Variants in FDFT1 observed in about 807,000 individuals in gnomAD.
FDFT1 encodes the protein squalene synthase.
Under a neutral mutation model 46.8 loss-of-function variants are expected in FDFT1, and 68 were observed. The ratio of observed to expected loss-of-function variants is 1.45; its 90% CI spans 1.19 to 1.78. The LOEUF (loss-of-function observed/expected upper bound fraction) is 1.78, where lower values mean the gene tolerates loss of function less well. Among genes scored for constraint, FDFT1 ranks in the 40% most tolerant of loss-of-function variants. The pLI, the probability that FDFT1 is intolerant of heterozygous loss-of-function variation, is 0.00. For synonymous variants in FDFT1, 351 were observed against 185.1 expected (o/e 1.90, Z -7.28); for missense variants, 928 against 524.4 (o/e 1.77, Z -7.52).
chr8:11,830,426 G>A lies in FDFT1; in HGVS notation c.879+6G>A, dbSNP rs1481755393. Reference sequence around the variant, plus strand: ...ACTTCTGTGCTATTCCACAGGTAGGGAAGGGGGCTCCTCTGGGTGGATACG... The same window carrying A: ...ACTTCTGTGCTATTCCACAGGTAGGAAAGGGGGCTCCTCTGGGTGGATACG... On this transcript the variant is annotated splice_donor_region_variant and intron_variant, in intron 6 of 7. Coordinates refer to ENST00000220584, the MANE Select transcript of FDFT1 (RefSeq NM_004462.5). The A allele has an allele frequency of 1.9e-6, 3 of 1,609,320 alleles. No individual in the cohort carries two copies. Among genetic ancestry groups the A allele is most frequent in the South Asian group, 1.1e-5 (1 of 90,946 alleles).
chr8:11,830,114 G>GGGATTACA (rs1810566826), intron 5 of FDFT1, 130 bp from the exon 6 acceptor site: 1 of 749,034 alleles, frequency 1.3e-6, no homozygotes, highest in Non-Finnish European at 2.3e-6. Flanking sequence ...CCAAAGTGCT[G>GGGATTACA]GGATTACAGG....
chr8:11,797,956 A>G (rs1172721901), upstream of FDFT1: 1 of 152,284 alleles, frequency 6.6e-6, no homozygotes, highest in Non-Finnish European at 1.5e-5. Flanking sequence ...TGTAGATGCC[A>G]AATGGCAAGG....
chr8:11,826,954 A>C (rs2645424), intron 5 of FDFT1, among the ~76,000 whole-genome samples: 1 of 152,132 alleles, frequency 6.6e-6, no homozygotes, highest in African/African-American at 2.4e-5. Context: ...AGAATTCTGC[A>C]GCAGGAAGGG....
At chr8:11,799,829 C>T (rs150037866), upstream of FDFT1, among the ~76,000 whole-genome samples, 3 of 151,660 alleles carry the variant, frequency 2.0e-5, no homozygotes, top group African/African-American at 4.8e-5. Context: ...GCCTGTAGTT[C>T]CAGCTACTCG....
intron 4 of FDFT1, among the ~76,000 whole-genome samples, chr8:11,825,727 G>T (rs574150265): frequency 2.6e-4 from 39 of 151,652 alleles, no homozygotes; most frequent in Admixed American, 5.3e-4. Flanking sequence ...ATGTTTACTA[G>T]TTTTTTTCAG....
intron 1 of FDFT1, among the ~76,000 whole-genome samples, chr8:11,796,659 T>A (rs1805593862): frequency 6.6e-6 from 1 of 152,158 alleles, no homozygotes; most frequent in Admixed American, 6.5e-5. Flanking sequence ...GAGGTAGGTG[T>A]CTTCAGTGAT....
At chr8:11,824,805 G>C (rs1479783944) in intron 4 of FDFT1, among the ~76,000 whole-genome samples, 1 of 151,948 alleles carries the variant, frequency 6.6e-6, no homozygotes, top group African/African-American at 2.4e-5. Context: ...GCGCGATCTC[G>C]GCTCCCTGCA....
intron 7 of FDFT1, among the ~76,000 whole-genome samples, chr8:11,833,488 A>T (rs1428255015): frequency 6.6e-6 from 1 of 152,224 alleles, no homozygotes; most frequent in Non-Finnish European, 1.5e-5. Context: ...CAGTTTGATC[A>T]CTAGTTTTAG....
chr8:11,828,979 T>G (rs931052667), intron 5 of FDFT1, among the ~76,000 whole-genome samples: 1 of 152,142 alleles, frequency 6.6e-6, no homozygotes, highest in Admixed American at 6.5e-5. Context: ...GCATATAAGT[T>G]TTTGTGTAGA....
At chr8:11,822,248 C>T (rs529312462) in intron 4 of FDFT1, among the ~76,000 whole-genome samples, 2 of 152,142 alleles carry the variant, frequency 1.3e-5, no homozygotes, top group Admixed American at 6.5e-5. Flanking sequence ...GAAGTAAAGA[C>T]ATTTTATTTA....
At chr8:11,812,342 G>C (rs1012674011) in intron 3 of FDFT1, among the ~76,000 whole-genome samples, 1 of 152,060 alleles carries the variant, frequency 6.6e-6, no homozygotes, top group Non-Finnish European at 1.5e-5. Context: ...CTGTGCCCTT[G>C]GGCCTGAGTG....
At chr8:11,801,479 C>G (rs578084369), upstream of FDFT1, among the ~76,000 whole-genome samples, 1 of 152,078 alleles carries the variant, frequency 6.6e-6, no homozygotes, top group Non-Finnish European at 1.5e-5. Flanking sequence ...GCCACCATGC[C>G]TGGCTAATTT....
intron 3 of FDFT1, 69 bp from the exon 4 acceptor site, chr8:11,821,681 C>T (rs1380692864): frequency 6.5e-7 from 1 of 1,550,028 alleles, no homozygotes; most frequent in Non-Finnish European, 8.9e-7. Context: ...CCATTGTTTG[C>T]CTTGTGATCT....
intron 7 of FDFT1, among the ~76,000 whole-genome samples, chr8:11,835,970 C>CAAAAAAAAAAAAAA (rs1811477623): frequency 1.2e-4 from 1 of 8,026 alleles, no homozygotes. Flanking sequence ...CCTGTCTCTA[C>CAAAAAAAAAAAAAA]TAAAAAAAAA....
chr8:11,813,812 G>C (rs1202181881), intron 3 of FDFT1, among the ~76,000 whole-genome samples: 1 of 152,180 alleles, frequency 6.6e-6, no homozygotes, highest in African/African-American at 2.4e-5. Flanking sequence ...AGCGGAAAAA[G>C]CCCTCCTGGC....
chr8:11,808,435 C>G, intron 1 of FDFT1: 1 of 1,267,784 alleles, frequency 7.9e-7, no homozygotes, highest in Non-Finnish European at 9.9e-7. Context: ...GAGTAGAGGG[C>G]GAGCCCGTCC....
intron 7 of FDFT1, among the ~76,000 whole-genome samples, chr8:11,836,967 A>T (rs747771577): frequency 6.6e-6 from 1 of 152,256 alleles, no homozygotes; most frequent in Non-Finnish European, 1.5e-5. Context: ...GGTGCGGTGT[A>T]GTCAGGGTGA....
chr8:11,829,227 A>G (rs1326226920), intron 5 of FDFT1, among the ~76,000 whole-genome samples: 1 of 152,222 alleles, frequency 6.6e-6, no homozygotes, highest in Non-Finnish European at 1.5e-5. Context: ...AGAATTTGCC[A>G]TTTTAACTAT....
chr8:11,837,343 A>G (rs1331332102), intron 7 of FDFT1, among the ~76,000 whole-genome samples: 1 of 152,004 alleles, frequency 6.6e-6, no homozygotes, highest in Non-Finnish European at 1.5e-5. Context: ...TGATCTTCCC[A>G]CCCCAGTCCC....
Sources: allele counts gnomAD v4.1 joint callset (sites outside exome capture counted in the v4.1 genomes callset), GRCh38; gene constraint gnomAD v4.1.1; transcripts MANE v1.5; gene names NCBI Gene and HGNC (gene_info 2026-07-23, HGNC 2026-07-21).